Variants in DRD3 observed in about 807,000 individuals in gnomAD.
DRD3 encodes dopamine receptor D3, also known as D(3) dopamine receptor.
A neutral mutation model predicts 36.3 loss-of-function variants in DRD3; 19 were observed. The observed-to-expected ratio is 0.52, with a 90% CI of 0.36 to 0.77. DRD3 has a LOEUF of 0.77. DRD3 is among the 30% of genes least tolerant of loss of function. DRD3 has a pLI of 0.00. For missense variants in DRD3, 465 were observed against 505.3 expected (o/e 0.92, Z 0.77); for synonymous variants, 195 against 203.7 (o/e 0.96, Z 0.36).
chr3:114,128,847 A>G lies in DRD3; in HGVS notation c.1072T>C (p.Cys358Arg). 1.9e-6 allele frequency: 3 copies of G among 1,613,926 alleles called. No individual in the cohort carries two copies. The highest frequency in any genetic ancestry group is 2.5e-6 in the Non-Finnish European group (3 of 1,179,922). ...THVLNTHCQT[C>R]HVSPELYSAT... is the part of the protein sequence containing the mutation. ...CTGTAAAGCTCTGGGGACACGTGGC[A>G]TGTCTGGCAGTGGGTATTGAGAACA... Residue 358 changes from cysteine to arginine, a missense_variant, in exon 7 of 7, where the codon TGC (cysteine) becomes CGC (arginine). Transcript: ENST00000383673.
At chr3:114,168,437 A>AT (rs1011580966) in intron 2 of DRD3, among the ~76,000 whole-genome samples, 1 of 151,996 alleles carries the variant, frequency 6.6e-6, no homozygotes, top group Non-Finnish European at 1.5e-5. Flanking sequence ...ACACGTTTTC[A>AT]TTTTTTCTTT....
chr3:114,180,074 C>T (rs2077938014), upstream of DRD3, among the ~76,000 whole-genome samples: 1 of 151,960 alleles, frequency 6.6e-6, no homozygotes, highest in Admixed American at 6.6e-5. Flanking sequence ...ATCTAAACAA[C>T]CTAATTCTCT....
At chr3:114,148,618 T>C (rs1462518145) in intron 3 of DRD3, among the ~76,000 whole-genome samples, 1 of 152,192 alleles carries the variant, frequency 6.6e-6, no homozygotes, top group African/African-American at 2.4e-5. Flanking sequence ...CCTCTCAATC[T>C]GGTTTCACTG....
intron 3 of DRD3, among the ~76,000 whole-genome samples, chr3:114,158,198 G>T (rs1335718405): frequency 6.6e-6 from 1 of 151,156 alleles, no homozygotes; most frequent in Non-Finnish European, 1.5e-5. Context: ...GGTTGCTTGA[G>T]TCCAGGAGTT....
intron 6 of DRD3, among the ~76,000 whole-genome samples, chr3:114,130,886 C>T (rs2077423451): frequency 6.6e-6 from 1 of 152,166 alleles, no homozygotes; most frequent in African/African-American, 2.4e-5. Context: ...TGTGTTGTAG[C>T]TCCATATAAT....
chr3:114,184,655 T>C (rs982621795), intron 1 of DRD3, among the ~76,000 whole-genome samples: 3 of 151,628 alleles, frequency 2.0e-5, no homozygotes, highest in Admixed American at 6.6e-5. Context: ...GGCAATGTCT[T>C]ATGTTCTCCT....
intron 2 of DRD3, among the ~76,000 whole-genome samples, chr3:114,160,631 C>A (rs1374302948): frequency 6.6e-6 from 1 of 152,194 alleles, no homozygotes; most frequent in African/African-American, 2.4e-5. Context: ...GCTCATCATG[C>A]ACTCAAGAAA....
intron 1 of DRD3, among the ~76,000 whole-genome samples, chr3:114,189,844 G>C (rs969299804): frequency 6.6e-6 from 1 of 152,120 alleles, no homozygotes; most frequent in Non-Finnish European, 1.5e-5. Context: ...CTTGAACCTA[G>C]CACCTAGGTT....
chr3:114,146,324 C>T (rs1258353191), intron 4 of DRD3, among the ~76,000 whole-genome samples: 1 of 152,150 alleles, frequency 6.6e-6, no homozygotes, highest in East Asian at 1.9e-4. Flanking sequence ...CAGATGACCA[C>T]TGGAACACTA....
At chr3:114,165,219 G>C (rs180958006) in intron 2 of DRD3, among the ~76,000 whole-genome samples, 1 of 152,108 alleles carries the variant, frequency 6.6e-6, no homozygotes, top group African/African-American at 2.4e-5. Flanking sequence ...AAGAAATGAT[G>C]AGTATAAGTG....
chr3:114,144,996 C>T (rs938366356), intron 4 of DRD3, among the ~76,000 whole-genome samples: 4 of 152,052 alleles, frequency 2.6e-5, no homozygotes, highest in Non-Finnish European at 4.4e-5. Context: ...CTCTGGATGT[C>T]GACATTAACC....
At chr3:114,197,908 G>T (rs777660843) in intron 1 of DRD3, among the ~76,000 whole-genome samples, 10 of 152,070 alleles carry the variant, frequency 6.6e-5, no homozygotes, top group Admixed American at 2.6e-4. Flanking sequence ...TTTCAAATTT[G>T]TCAGGCTATT....
rs145218071 is a variant in DRD3, at chr3:114,147,535, C to T, written c.406G>A (p.Val136Ile). 503 of 1,613,724 alleles carry T rather than the reference C, an allele frequency of 3.1e-4. 11 individuals carry two copies. The South Asian group carries it at 4.6e-3, about 15-fold the overall frequency. The change falls in exon 4 of 7, where the codon GTT becomes ATT. Residue 136 changes from valine (V) to isoleucine (I), a missense_variant. By Grantham distance (29) the Val-to-Ile change is conservative (BLOSUM62 3). Coordinates refer to ENST00000383673, the MANE Select transcript of DRD3 (RefSeq NM_000796.6). ...IDRYTAVVMP[V>I]HYQHGTGQSS... ...TGTCCCGTGCCATGCTGGTAGTGAA[C>T]GGGCATGACCACTGCAGTGTACCTG...
intron 3 of DRD3, among the ~76,000 whole-genome samples, chr3:114,156,715 G>GTCTT (rs1328717527): frequency 5.1e-4 from 41 of 80,370 alleles, no homozygotes; most frequent in African/African-American, 1.9e-3. Flanking sequence ...TGGCTTGCCT[G>GTCTT]TCTTTCTTTC....
At chr3:114,167,046 T>C (rs2077792592) in intron 2 of DRD3, among the ~76,000 whole-genome samples, 1 of 152,178 alleles carries the variant, frequency 6.6e-6, no homozygotes, top group Non-Finnish European at 1.5e-5. Flanking sequence ...ATCGATATCA[T>C]TACAAAACTC....
chr3:114,195,333 C>T (rs1454625955), intron 1 of DRD3, among the ~76,000 whole-genome samples: 1 of 152,090 alleles, frequency 6.6e-6, no homozygotes, highest in African/African-American at 2.4e-5. Context: ...GTACATTCAG[C>T]CCTAGTCTAG....
chr3:114,145,536 G>GAA (rs2077562650), intron 4 of DRD3, among the ~76,000 whole-genome samples: 1 of 152,220 alleles, frequency 6.6e-6, no homozygotes, highest in Non-Finnish European at 1.5e-5. Context: ...CTGTGGCAGA[G>GAA]AAACAAGCCA....
chr3:114,152,784 T>A (rs975076310), intron 3 of DRD3, among the ~76,000 whole-genome samples: 1 of 152,118 alleles, frequency 6.6e-6, no homozygotes, highest in African/African-American at 2.4e-5. Flanking sequence ...GCCTCTGACT[T>A]CCTCTCGGAG....
chr3:114,129,433 G>A (rs1026193899), intron 6 of DRD3, among the ~76,000 whole-genome samples: 1 of 152,214 alleles, frequency 6.6e-6, no homozygotes. Context: ...GCATGCTAAT[G>A]TCTTTCATTC....
Sources: allele counts gnomAD v4.1 joint callset (sites outside exome capture counted in the v4.1 genomes callset), GRCh38; gene constraint gnomAD v4.1.1; transcripts MANE v1.5; gene names NCBI Gene and HGNC (gene_info 2026-07-23, HGNC 2026-07-21).